GCNT2: variants seen among roughly 807,000 people sequenced by gnomAD.
The protein encoded by GCNT2 is N-acetyllactosaminide beta-1,6-N-acetylglucosaminyl-transferase.
In GCNT2, 34 loss-of-function variants were observed where a neutral mutation model predicts 34.2. The observed-to-expected ratio is 1.00, with a 90% CI of 0.76 to 1.32. The LOEUF is 1.32. Among genes scored for constraint, GCNT2 ranks in the 40% most tolerant of loss-of-function variants. The pLI is 0.00. For missense variants in GCNT2, 584 were observed against 489.4 expected (o/e 1.19, Z -1.82); for synonymous variants, 212 against 188.0 (o/e 1.13, Z -1.04).
In GCNT2 at chr6:10,593,251, G is replaced by A. The variant is rs554880762; in HGVS notation, c.926-28100G>A. Among the ~76,000 whole-genome samples the A allele has an allele frequency of 2.6e-4, 39 of 152,234 alleles. No homozygotes were observed. The South Asian group carries it at 2.7e-3, about 11-fold the overall frequency. On this transcript the variant is annotated intron_variant, in intron 3 of 4. Coordinates refer to ENST00000495262, the MANE Select transcript of GCNT2 (RefSeq NM_145649.5). ...GCATTCTTTCTACTGCTTTAGAACC[G>A]GCAAGATCATTTCTCCAACTCATTC...
intron 4 of GCNT2, among the ~76,000 whole-genome samples, chr6:10,622,592 G>A (rs1285300764): frequency 6.6e-6 from 1 of 151,956 alleles, no homozygotes; most frequent in Non-Finnish European, 1.5e-5. Flanking sequence ...TATGAATTTA[G>A]AGAGACAAAC....
intron 3 of GCNT2, among the ~76,000 whole-genome samples, chr6:10,612,860 G>A (rs1765619344): frequency 6.6e-6 from 1 of 152,162 alleles, no homozygotes; most frequent in Admixed American, 6.6e-5. Context: ...CATTTTAAAA[G>A]TCCCTTCCGT....
intron 2 of GCNT2, among the ~76,000 whole-genome samples, chr6:10,527,922 C>T (rs1014407748): frequency 2.0e-5 from 3 of 152,038 alleles, no homozygotes; most frequent in African/African-American, 7.2e-5. Flanking sequence ...GACATAAGAG[C>T]CTCTCTCCTA....
chr6:10,536,458 C>T (rs1263704035), intron 3 of GCNT2, among the ~76,000 whole-genome samples: 4 of 151,506 alleles, frequency 2.6e-5, no homozygotes, highest in Admixed American at 6.6e-5. Context: ...GGGTTCACGC[C>T]ATTCTCCTGC....
chr6:10,611,153 G>A (rs1427218710), intron 3 of GCNT2, among the ~76,000 whole-genome samples: 2 of 151,860 alleles, frequency 1.3e-5, no homozygotes. Flanking sequence ...GGGAGGCCAA[G>A]GTGGGAGGAT....
intron 3 of GCNT2, chr6:10,556,578 T>C (rs761812367): frequency 6.4e-5 from 104 of 1,614,130 alleles, no homozygotes; most frequent in Non-Finnish European, 8.7e-5. Flanking sequence ...ACATCTTTTA[T>C]CAATGGAAAA....
intron 3 of GCNT2, among the ~76,000 whole-genome samples, chr6:10,609,695 G>A (rs1424501580): frequency 6.6e-6 from 1 of 152,202 alleles, no homozygotes; most frequent in Non-Finnish European, 1.5e-5. Context: ...CAGTCTGCTT[G>A]GTTAGTGACA....
In GCNT2 at chr6:10,581,793, A is replaced by C. The variant is rs143671628; in HGVS notation, c.926-39558A>C. 93 of 985,138 alleles carry C rather than the reference A, an allele frequency of 9.4e-5. 1 individual carries two copies. In the East Asian group the frequency reaches 9.3e-3, roughly 99 times the overall value. 61.0% of individuals were successfully genotyped at this position (985,138 alleles called of 1,614,324 possible). On this transcript the variant is annotated intron_variant, in intron 3 of 4. Coordinates refer to ENST00000495262, the MANE Select transcript of GCNT2 (RefSeq NM_145649.5). ...CCTTTGCCTCTCTTTTCTCACTCCA[A>C]CTTTCCCCTTCTGTTCTCCACAAGA...
intron 3 of GCNT2, among the ~76,000 whole-genome samples, chr6:10,573,975 G>A (rs962235651): frequency 2.0e-5 from 3 of 152,218 alleles, no homozygotes; most frequent in Non-Finnish European, 4.4e-5. Context: ...GTGCTCAGGG[G>A]CCCAGATGAG....
chr6:10,541,033 G>A (rs929937086), intron 3 of GCNT2, among the ~76,000 whole-genome samples: 16 of 152,164 alleles, frequency 1.1e-4, no homozygotes, highest in African/African-American at 3.1e-4. Flanking sequence ...TTTTAAGTTC[G>A]GGTACGTGTG....
At chr6:10,624,188 C>T (rs1044410207) in intron 4 of GCNT2, among the ~76,000 whole-genome samples, 3 of 152,176 alleles carry the variant, frequency 2.0e-5, no homozygotes, top group African/African-American at 2.4e-5. Flanking sequence ...AGCTTTCCTG[C>T]TCACCTTTAA....
chr6:10,540,291 T>C (rs1368593085), intron 3 of GCNT2, among the ~76,000 whole-genome samples: 1 of 152,180 alleles, frequency 6.6e-6, no homozygotes, highest in African/African-American at 2.4e-5. Flanking sequence ...TCCAGGCTTC[T>C]CACTTTAGAC....
chr6:10,586,752 C>T (rs199671735), intron 3 of GCNT2: 2 of 1,614,126 alleles, frequency 1.2e-6, no homozygotes, highest in Non-Finnish European at 1.7e-6. Context: ...AACTTCACCT[C>T]CACATCAGCT....
intron 3 of GCNT2, among the ~76,000 whole-genome samples, chr6:10,614,625 C>CAAAAA (rs34015959): frequency 9.1e-4 from 96 of 105,920 alleles, no homozygotes; most frequent in African/African-American, 4.4e-3. Flanking sequence ...GACTCTGTCT[C>CAAAAA]AAAAAAAAAA....
chr6:10,582,262 T>G (rs1239202348), intron 3 of GCNT2, among the ~76,000 whole-genome samples: 1 of 116,740 alleles, frequency 8.6e-6, no homozygotes, highest in Non-Finnish European at 1.6e-5. Context: ...TAATATATAC[T>G]ATATATTAAA....
chr6:10,553,502 T>G (rs1303406234), intron 3 of GCNT2, among the ~76,000 whole-genome samples: 2 of 152,244 alleles, frequency 1.3e-5, no homozygotes, highest in Non-Finnish European at 2.9e-5. Context: ...ATTATTATTT[T>G]TTTAATTCAT....
Position 10,626,421 on chromosome 6 carries a change from C to G in GCNT2, c.1023C>G (p.His341Gln). 6.2e-7 allele frequency: 1 copy of G among 1,609,990 alleles called. No individual in the cohort carries two copies. The change falls in exon 5 of 5, where the codon CAC becomes CAG. Residue 341 changes from histidine (H) to glutamine (Q), a missense_variant. By Grantham distance (24) the His-to-Gln change is conservative (BLOSUM62 0). Coordinates refer to ENST00000495262, the MANE Select transcript of GCNT2 (RefSeq NM_145649.5). Reference sequence around the variant, plus strand: ...TTCTTGTTCTTTCTTTTGCAGGCCACTATGTACATGGTATTTGTATCTATG... The same window carrying G: ...TTCTTGTTCTTTCTTTTGCAGGCCAGTATGTACATGGTATTTGTATCTATG... Reference protein sequence around the residue: ...MEDRHGGCHGHYVHGICIYGN... With the variant: ...MEDRHGGCHGQYVHGICIYGN...
intron 3 of GCNT2, among the ~76,000 whole-genome samples, chr6:10,574,010 G>A (rs1473151286): frequency 1.3e-5 from 2 of 152,232 alleles, no homozygotes; most frequent in Non-Finnish European, 2.9e-5. Context: ...AGAGAGAAAT[G>A]TCTTGAGATT....
intron 1 of GCNT2, among the ~76,000 whole-genome samples, chr6:10,525,962 G>A (rs1187209968): frequency 2.6e-5 from 4 of 152,294 alleles, no homozygotes; most frequent in African/African-American, 7.2e-5. Context: ...TAAATTAGGA[G>A]AAAATATGGT....
Sources: allele counts gnomAD v4.1 joint callset (sites outside exome capture counted in the v4.1 genomes callset), GRCh38; gene constraint gnomAD v4.1.1; transcripts MANE v1.5; gene names NCBI Gene and HGNC (gene_info 2026-07-23, HGNC 2026-07-21).